The following GPC1 variants were observed in gnomAD, a reference collection of about 807,000 sequenced individuals.
The protein encoded by GPC1 is glypican-1.
A neutral mutation model predicts 51.5 loss-of-function variants in GPC1; 26 were observed. That is an observed-to-expected ratio of 0.50 (90% confidence interval 0.37 to 0.70). The LOEUF is 0.70. Ranked by LOEUF, GPC1 falls within the 30% of genes least tolerant of loss-of-function variation. The probability of loss-of-function intolerance (pLI) is 0.00; values close to 1 mark genes in which losing one functional copy is unlikely to be tolerated. For missense variants in GPC1, 775 were observed against 800.5 expected, an observed-to-expected ratio of 0.97 and a Z score of 0.38; for synonymous variants, 380 against 348.3, an observed-to-expected ratio of 1.09 and a Z score of -1.01.
chr2:240,462,856 G>A (rs2074228464), intron 3 of GPC1, among the ~76,000 whole-genome samples: 2 of 152,152 alleles, frequency 1.3e-5, no homozygotes, highest in Admixed American at 6.5e-5. Flanking sequence ...AGGGCCAGGG[G>A]CTGGGGCTGG....
At chr2:240,436,987 C>G (rs2073988315) in intron 1 of GPC1, among the ~76,000 whole-genome samples, 1 of 152,226 alleles carries the variant, frequency 6.6e-6, no homozygotes, top group Admixed American at 6.5e-5. Flanking sequence ...GCTCCGTGTG[C>G]TAAGGAACTC....
Position 240,462,405 on chromosome 2 carries a change from C to G in GPC1, c.540C>G (p.Pro180=), listed in dbSNP as rs1270666884. The stretch of plus-strand genomic sequence containing the variant: ...AGCGCCTCTTCAAGCAGCTGCACCC[C>G]CAGCTGCTGCTGCCTGATGACTACC... ...LLERLFKQLH[P]QLLLPDDYLD... The change falls in exon 3 of 9, where the codon CCC becomes CCG. Residue 180 remains proline (P), a synonymous_variant. Transcript: ENST00000264039. 6.2e-7 allele frequency: 1 copy of G among 1,600,286 alleles called. No homozygotes were observed. The highest frequency in any genetic ancestry group is 1.7e-5 in the Admixed American group (1 of 58,416).
At chr2:240,440,100 G>A (rs968704723) in intron 1 of GPC1, among the ~76,000 whole-genome samples, 29 of 152,336 alleles carry the variant, frequency 1.9e-4, no homozygotes, top group Admixed American at 5.2e-4. Context: ...CCAGGAGGGA[G>A]AAGGTGCTGG....
At chr2:240,438,215 C>T (rs2073996027) in intron 1 of GPC1, among the ~76,000 whole-genome samples, 1 of 152,230 alleles carries the variant, frequency 6.6e-6, no homozygotes, top group African/African-American at 2.4e-5. Context: ...GGATTACTGC[C>T]TCTCCAGTCG....
intron 1 of GPC1, chr2:240,456,657 G>T (rs747411788): frequency 2.3e-5 from 11 of 470,020 alleles, no homozygotes; most frequent in Non-Finnish European, 4.0e-5. Flanking sequence ...GGTGCACAGG[G>T]CCCCATCACA....
intron 1 of GPC1, chr2:240,458,162 C>T (rs1307462893): frequency 6.7e-6 from 3 of 449,852 alleles, no homozygotes; most frequent in East Asian, 7.2e-5. Context: ...TTGCGGCAGC[C>T]TTCATCACAG....
intron 2 of GPC1, 85 bp from the exon 3 acceptor site, chr2:240,462,106 G>A (rs1420753666): frequency 7.7e-7 from 1 of 1,305,818 alleles, no homozygotes; most frequent in Non-Finnish European, 1.0e-6. Flanking sequence ...TCAGAGCTGA[G>A]TCTCCCGGGC....
rs1264818065 is a variant in GPC1, at chr2:240,465,665, G to A, written c.1444+17G>A. The A allele has an allele frequency of 1.2e-6, 2 of 1,610,230 alleles. No homozygotes were observed. The highest frequency in any genetic ancestry group is 1.7e-6 in the Non-Finnish European group (2 of 1,178,314). Reference sequence around the variant, plus strand: ...AGGACGCCAGTGAGGGCAGGGCCTGGCCGGGCGGCCAAGGGGCCAGGGTTG... The same window carrying A: ...AGGACGCCAGTGAGGGCAGGGCCTGACCGGGCGGCCAAGGGGCCAGGGTTG... On this transcript the variant is annotated intron_variant, in intron 8 of 8. Coordinates refer to ENST00000264039, the MANE Select transcript of GPC1 (RefSeq NM_002081.3).
chr2:240,449,839 G>C (rs187868093), intron 1 of GPC1: 10 of 470,054 alleles, frequency 2.1e-5, no homozygotes, highest in Admixed American at 9.4e-5. Flanking sequence ...TTCACTCAGC[G>C]TCGTCCTCAA....
chr2:240,455,604 A>G (rs1378554141), intron 1 of GPC1, among the ~76,000 whole-genome samples: 2 of 152,146 alleles, frequency 1.3e-5, no homozygotes, highest in South Asian at 2.1e-4. Flanking sequence ...AGGCCTCTCT[A>G]TCCCCAGGTG....
chr2:240,441,963 C>T (rs1471734754), intron 1 of GPC1, among the ~76,000 whole-genome samples: 1 of 152,182 alleles, frequency 6.6e-6, no homozygotes, highest in Non-Finnish European at 1.5e-5. Flanking sequence ...GGGGCATACC[C>T]CACTGCCCCA....
In GPC1 at chr2:240,464,763, G is replaced by A. The variant is rs113956664; in HGVS notation, c.1014+17G>A. 1.8e-3 allele frequency: 2,874 copies of A among 1,598,878 alleles called. 35 individuals carry two copies. The African/African-American group carries it at 0.028, about 16-fold the overall frequency. On this transcript the variant is annotated intron_variant, in intron 5 of 8. Transcript: ENST00000264039. Reference sequence around the variant, plus strand: ...ACGGCCAAGGTGCGGGCAGGAGGACGTGACGAGCACAGCGGGGTGGGGGTC... The same window carrying A: ...ACGGCCAAGGTGCGGGCAGGAGGACATGACGAGCACAGCGGGGTGGGGGTC...
chr2:240,437,672 C>T (rs1219855559), intron 1 of GPC1, among the ~76,000 whole-genome samples: 2 of 152,186 alleles, frequency 1.3e-5, no homozygotes, highest in African/African-American at 4.8e-5. Context: ...AAAGAGGCAT[C>T]CCTGGCCTTC....
intron 2 of GPC1, among the ~76,000 whole-genome samples, chr2:240,459,763 C>T (rs532505967): frequency 2.0e-5 from 3 of 152,194 alleles, no homozygotes; most frequent in South Asian, 4.1e-4. Flanking sequence ...ATTAGAGCCA[C>T]GTACTCCTCG....
intron 1 of GPC1, among the ~76,000 whole-genome samples, chr2:240,455,812 A>G (rs1027694283): frequency 9.2e-5 from 14 of 152,214 alleles, no homozygotes; most frequent in African/African-American, 3.4e-4. Context: ...TCTCATGTCC[A>G]GGACCACAAC....
intron 1 of GPC1, among the ~76,000 whole-genome samples, chr2:240,447,018 C>G (rs1230207915): frequency 6.6e-6 from 1 of 152,124 alleles, no homozygotes; most frequent in Non-Finnish European, 1.5e-5. Context: ...GGGAGCCCAG[C>G]CTGGCATGGC....
chr2:240,441,703 T>G (rs1000567761), intron 1 of GPC1, among the ~76,000 whole-genome samples: 1 of 152,170 alleles, frequency 6.6e-6, no homozygotes, highest in Admixed American at 6.5e-5. Context: ...TTTCTTTGTC[T>G]GGGAACAGGC....
At chr2:240,436,354 C>T (rs1030866488) in intron 1 of GPC1, among the ~76,000 whole-genome samples, 7 of 152,230 alleles carry the variant, frequency 4.6e-5, no homozygotes, top group African/African-American at 1.4e-4. Flanking sequence ...CGGCTTCTTC[C>T]CTGCGGAGCT....
chr2:240,450,152 T>A (rs143723885), intron 1 of GPC1: 9,075 of 340,684 alleles, frequency 0.027, 174 homozygotes, highest in Admixed American at 0.041. Context: ...GTCCCCTAAT[T>A]GTGGCTGTGG....
Sources: allele counts gnomAD v4.1 joint callset (sites outside exome capture counted in the v4.1 genomes callset), GRCh38; gene constraint gnomAD v4.1.1; transcripts MANE v1.5; gene names NCBI Gene and HGNC (gene_info 2026-07-23, HGNC 2026-07-21).